Variants in PIWIL4 observed in about 807,000 individuals in gnomAD.
PIWIL4 encodes piwi like RNA-mediated gene silencing 4, also known as piwi-like protein 4.
PIWIL4 carries 50 observed loss-of-function variants against 100.9 expected under a neutral mutation model. The ratio of observed to expected loss-of-function variants is 0.50; its 90% confidence interval spans 0.39 to 0.63. The LOEUF (loss-of-function observed/expected upper bound fraction) is 0.63, where lower values mean the gene tolerates loss of function less well. Among genes scored for constraint, PIWIL4 ranks in the 20% least tolerant of loss-of-function variants. The probability of loss-of-function intolerance (pLI) is 0.00; values close to 1 mark genes in which losing one functional copy is unlikely to be tolerated. For missense variants in PIWIL4, 887 were observed against 1,043.3 expected, an observed-to-expected ratio of 0.85 and a Z score of 2.06; for synonymous variants, 342 against 367.5, an observed-to-expected ratio of 0.93 and a Z score of 0.79.
At chr11:94,607,412 A>C (rs771106141) in intron 13 of PIWIL4, 27 bp from the exon 14 acceptor site, 9 of 1,593,630 alleles carry the variant, frequency 5.6e-6, no homozygotes, top group Non-Finnish European at 7.7e-6. Flanking sequence ...ATTAACTTCC[A>C]AAATCTTTTG....
At chr11:94,602,604 C>T (rs529326069) in intron 12 of PIWIL4, among the ~76,000 whole-genome samples, 1 of 152,224 alleles carries the variant, frequency 6.6e-6, no homozygotes, top group South Asian at 2.1e-4. Context: ...GATACATATA[C>T]AATCACACTG....
chr11:94,567,416 C>T lies in PIWIL4; in HGVS notation c.-103C>T. 2 of 1,079,176 alleles carry T rather than the reference C, an allele frequency of 1.9e-6. No individual in the cohort carries two copies. Among genetic ancestry groups the T allele is most frequent in the Non-Finnish European group, 2.6e-6 (2 of 783,676 alleles). The allele number at this position is 1,079,176 out of a possible 1,614,324, so 66.9% of individuals were successfully genotyped here. On this transcript the variant is annotated 5_prime_UTR_variant, in exon 1 of 20. Coordinates refer to ENST00000299001, the MANE Select transcript of PIWIL4 (RefSeq NM_152431.3). Reference sequence around the variant, plus strand: ...TGTGGATGCTGGACATCCACCGCCTCCAGGCAGTTTCGCCGTCACACCGTC... The same window carrying T: ...TGTGGATGCTGGACATCCACCGCCTTCAGGCAGTTTCGCCGTCACACCGTC...
chr11:94,605,831 T>C (rs1948709365), intron 13 of PIWIL4, among the ~76,000 whole-genome samples: 1 of 152,224 alleles, frequency 6.6e-6, no homozygotes, highest in Admixed American at 6.5e-5. Flanking sequence ...TTGCTCTTAA[T>C]ATTGTACCTG....
chr11:94,571,574 C>T (rs1026475513), intron 2 of PIWIL4, among the ~76,000 whole-genome samples: 13 of 152,256 alleles, frequency 8.5e-5, no homozygotes, highest in Admixed American at 2.0e-4. Context: ...CTCAGAATGA[C>T]GGTTTCTAGC....
chr11:94,618,097 T>C lies in PIWIL4; in HGVS notation c.2158T>C (p.Ser720Pro). 1 of 1,569,978 alleles carries C rather than the reference T, an allele frequency of 6.4e-7. No homozygotes were observed. Residue 720 changes from serine (S) to proline (P), a missense_variant, in exon 17 of 20, where the codon TCA becomes CCA. Coordinates refer to ENST00000299001, the MANE Select transcript of PIWIL4 (RefSeq NM_152431.3). ...QLLSSVAESS[S>P]NTSSRLSVIV... Reference sequence around the variant, plus strand: ...GCTGAGCAGTGTGGCAGAATCCAGCTCAAATACCAGGTATTCAATTATTGT... The same window carrying C: ...GCTGAGCAGTGTGGCAGAATCCAGCCCAAATACCAGGTATTCAATTATTGT...
At position 94,587,114 on chromosome 11, in the gene PIWIL4, G is replaced by T. The variant is rs775497568; in HGVS notation, c.781G>T (p.Ala261Ser). 11 of 1,613,872 alleles carry T rather than the reference G, an allele frequency of 6.8e-6. No homozygotes were observed. The highest frequency in any genetic ancestry group is 9.3e-6 in the Non-Finnish European group (11 of 1,179,940). Residue 261 changes from alanine to serine, a missense_variant, in exon 7 of 20, where the codon GCT (alanine) becomes TCT (serine). Physicochemically the swap from Ala to Ser is moderately conservative, Grantham distance 99. Coordinates refer to ENST00000299001, the MANE Select transcript of PIWIL4 (RefSeq NM_152431.3). ...SYFERKLLFS[A>S]DVSYKVLRNE... is the part of the protein sequence containing the mutation. ...TTTTGAAAGGAAGCTCCTGTTTAGTGCTGATGTGAGTTACAAAGTCCTCCG... is the reference window on the plus strand; with the variant it reads ...TTTTGAAAGGAAGCTCCTGTTTAGTTCTGATGTGAGTTACAAAGTCCTCCG...
chr11:94,618,197 G>A (rs1565285670), intron 17 of PIWIL4, 90 bp downstream of exon 17: 2 of 1,332,206 alleles, frequency 1.5e-6, no homozygotes, highest in South Asian at 3.4e-5. Flanking sequence ...CATAAGTTTT[G>A]TTTTTTATGC....
chr11:94,592,164 C>T (rs1485622786), intron 8 of PIWIL4, among the ~76,000 whole-genome samples: 1 of 152,148 alleles, frequency 6.6e-6, no homozygotes, highest in Non-Finnish European at 1.5e-5. Flanking sequence ...GGATCCAGTA[C>T]TGAGTGGTAT....
rs566521371 is a variant in PIWIL4 at position 94,577,186 on chromosome 11, T to G, written c.299-92T>G. 1.7e-5 allele frequency: 18 copies of G among 1,056,542 alleles called. 1 individual carries two copies. The East Asian group carries it at 4.0e-4, about 24-fold the overall frequency. 65.4% of individuals were successfully genotyped at this position (1,056,542 alleles called of 1,614,324 possible). ...AATCCTTGCTTTAAAGCAACTACTA[T>G]GCATAGGCAAATACATTTTTAAATG... is the stretch of plus-strand genomic sequence containing the variant. On this transcript the variant is annotated intron_variant, in intron 3 of 19. Transcript: ENST00000299001.
chr11:94,595,257 G>T, intron 9 of PIWIL4, 52 bp from the exon 10 acceptor site: 1 of 1,495,658 alleles, frequency 6.7e-7, no homozygotes, highest in Non-Finnish European at 9.3e-7. Flanking sequence ...CCTTTGATGG[G>T]CTGAGTTGCT....
At chr11:94,619,404 A>C (rs1948881033) in intron 17 of PIWIL4, among the ~76,000 whole-genome samples, 1 of 152,174 alleles carries the variant, frequency 6.6e-6, no homozygotes, top group Non-Finnish European at 1.5e-5. Flanking sequence ...AGCGAAGGGG[A>C]AAATAGGTTG....
chr11:94,580,914 TGGA>T (rs1948303973), intron 4 of PIWIL4, among the ~76,000 whole-genome samples: 14 of 126,112 alleles, frequency 1.1e-4, no homozygotes, highest in African/African-American at 2.4e-4. Flanking sequence ...TTTTTTTTTT[TGGA>T]GAAGGAGTTT....
chr11:94,593,824 C>A (rs1670857278), intron 9 of PIWIL4, among the ~76,000 whole-genome samples, 183 bp downstream of exon 9: 1 of 152,124 alleles, frequency 6.6e-6, no homozygotes, highest in Non-Finnish European at 1.5e-5. Flanking sequence ...CCCTTTATCT[C>A]ATATATTCCA....
chr11:94,584,464 G>A (rs1454958121), intron 5 of PIWIL4, among the ~76,000 whole-genome samples: 5 of 152,188 alleles, frequency 3.3e-5, no homozygotes, highest in African/African-American at 1.2e-4. Flanking sequence ...CTGCATATCA[G>A]CTCTTCAGAA....
rs373909687 is a variant in PIWIL4, at chr11:94,607,543, C to T, written c.1743C>T (p.Thr581=). 1.2e-6 allele frequency: 2 copies of T among 1,613,904 alleles called. No individual in the cohort carries two copies. Among genetic ancestry groups the T allele is most frequent in the Non-Finnish European group, 1.7e-6 (2 of 1,180,012 alleles). The part of the protein sequence containing the change: ...PVPSQCVLAR[T]LNKQGMMMSI... ...CAAGCCAATGTGTGCTTGCTCGGAC[C>T]TTGAATAAACAGGGCATGATGATGA... is the stretch of plus-strand genomic sequence containing the variant. The change falls in exon 14 of 20, where the codon ACC becomes ACT. Residue 581 remains threonine (T), a synonymous_variant. Transcript: ENST00000299001.
Position 94,603,877 on chromosome 11 carries a change from AACT to A in PIWIL4, c.1566-102_1566-100del, listed in dbSNP as rs1452292519. 5 of 655,700 alleles carry A rather than the reference AACT, an allele frequency of 7.6e-6. No individual in the cohort carries two copies. The African/African-American group carries it at 9.6e-5, about 13-fold the overall frequency. The allele number at this position is 655,700 out of a possible 1,614,324, so 40.6% of individuals were successfully genotyped here. On this transcript the variant is annotated intron_variant, in intron 12 of 19. Transcript: ENST00000299001. Reference sequence around the variant, plus strand: ...TATTTTCTCTAATAATTTTTCCTAAAACTACTAGTTTGTTATGAAAATTTATTT... The same window carrying A: ...TATTTTCTCTAATAATTTTTCCTAAAACTAGTTTGTTATGAAAATTTATTT...
At chr11:94,620,265 G>A in intron 19 of PIWIL4, 121 bp downstream of exon 19, 3 of 982,890 alleles carry the variant, frequency 3.1e-6, no homozygotes, top group African/African-American at 1.6e-5. Context: ...CCTAAAGAAG[G>A]AATGAATGAA....
Position 94,574,980 on chromosome 11 carries a change from C to T in PIWIL4, c.167-19C>T, listed in dbSNP as rs368180462. 5.0e-6 allele frequency: 8 copies of T among 1,607,582 alleles called. No homozygotes were observed. The highest frequency in any genetic ancestry group is 6.8e-6 in the Non-Finnish European group (8 of 1,174,952). ...TAGAATGAAATATTAGCTGTTACCA[C>T]ATTCTCTTCATGTTTTAGATAAATA... On this transcript the variant is annotated intron_variant, in intron 2 of 19. Coordinates refer to ENST00000299001, the MANE Select transcript of PIWIL4 (RefSeq NM_152431.3).
rs2135243343 is a variant in PIWIL4 at position 94,577,275 on chromosome 11, C to T, written c.299-3C>T. 6.2e-7 allele frequency: 1 copy of T among 1,606,730 alleles called. No individual in the cohort carries two copies. Among genetic ancestry groups the T allele is most frequent in the South Asian group, 1.1e-5 (1 of 90,214 alleles). ...AAAATTGTTTTTTGTTTGTCTTCTT[C>T]AGGTTCCAGTGGAATACCTGTGAAA... is the stretch of plus-strand genomic sequence containing the variant. On this transcript the variant is annotated splice_polypyrimidine_tract_variant and splice_region_variant and intron_variant, in intron 3 of 19. Coordinates refer to ENST00000299001, the MANE Select transcript of PIWIL4 (RefSeq NM_152431.3).
Sources: gnomAD v4.1 joint callset for allele counts (sites outside exome capture counted in the v4.1 genomes callset) on GRCh38, gnomAD v4.1.1 for gene constraint, MANE v1.5 for transcripts, NCBI Gene and HGNC (gene_info 2026-07-23, HGNC 2026-07-21) for gene names.